BRWD3: variants seen among roughly 807,000 people sequenced by gnomAD.
BRWD3 encodes bromodomain and WD repeat-containing protein 3.
Under a neutral mutation model 149.7 loss-of-function variants are expected in BRWD3, and 10 were observed. That is an observed-to-expected ratio of 0.07 (90% CI 0.04 to 0.11). BRWD3 has a LOEUF of 0.11. Among genes scored for constraint, BRWD3 ranks in the 10% least tolerant of loss-of-function variants. The pLI, the probability that BRWD3 is intolerant of heterozygous loss-of-function variation, is 1.00. For synonymous variants in BRWD3, 504 were observed against 456.7 expected (o/e 1.10, Z -1.32); for missense variants, 940 against 1,373.2 (o/e 0.68, Z 4.99).
At chrX:80,723,023 T>C (rs1011720420) in intron 16 of BRWD3, among the ~76,000 whole-genome samples, 3 of 111,628 alleles carry the variant, frequency 2.7e-5, no homozygotes, top group African/African-American at 9.8e-5. Flanking sequence ...TCATATTTCT[T>C]CTATTATGAT....
chrX:80,692,001 A>T (rs1602310681), intron 29 of BRWD3, 23 bp from the exon 30 acceptor site: 2 of 1,176,402 alleles, frequency 1.7e-6, no homozygotes, highest in East Asian at 6.4e-5. Flanking sequence ...TAAAAAAAAA[A>T]AAATTAGAAA....
At chrX:80,747,129 G>C (rs960073232) in intron 6 of BRWD3, among the ~76,000 whole-genome samples, 15 of 110,123 alleles carry the variant, frequency 1.4e-4, no homozygotes, top group African/African-American at 4.9e-4. Context: ...TGGGACTTCA[G>C]AAATCTTCCT....
intron 20 of BRWD3, among the ~76,000 whole-genome samples, chrX:80,714,579 A>T (rs2073048781): frequency 9.0e-6 from 1 of 111,484 alleles, no homozygotes; most frequent in Non-Finnish European, 1.9e-5. Context: ...ACATCTATTG[A>T]TTGATGTCTT....
chrX:80,805,906 G>A (rs1172045551), intron 4 of BRWD3, among the ~76,000 whole-genome samples: 1 of 111,630 alleles, frequency 9.0e-6, no homozygotes, highest in Non-Finnish European at 1.9e-5. Flanking sequence ...CTGCACTCCA[G>A]CCTGGCAATA....
chrX:80,758,726 G>C (rs1265117172), intron 6 of BRWD3, among the ~76,000 whole-genome samples: 1 of 110,931 alleles, frequency 9.0e-6, no homozygotes, highest in Non-Finnish European at 1.9e-5. Flanking sequence ...GATGTGCTAT[G>C]ATCTGTGTGG....
chrX:80,704,630 CA>C (rs748579945), intron 23 of BRWD3, 47 bp downstream of exon 23: 1 of 1,136,158 alleles, frequency 8.8e-7, no homozygotes, highest in South Asian at 1.9e-5. Flanking sequence ...TTATCAAAGG[CA>C]AAAAACAAAA....
intron 6 of BRWD3, among the ~76,000 whole-genome samples, chrX:80,763,325 C>T (rs2073822528): frequency 9.0e-6 from 1 of 111,380 alleles, no homozygotes; most frequent in Non-Finnish European, 1.9e-5. Flanking sequence ...TTTATAGCAG[C>T]TTTTCTTAAA....
chrX:80,711,461 C>G (rs941831663), intron 20 of BRWD3, among the ~76,000 whole-genome samples: 3 of 112,261 alleles, frequency 2.7e-5, no homozygotes, highest in Admixed American at 9.4e-5. Flanking sequence ...AAATATGTTT[C>G]TGTCATATCT....
intron 16 of BRWD3, among the ~76,000 whole-genome samples, chrX:80,723,520 T>A (rs746989179): frequency 9.1e-6 from 1 of 110,343 alleles, no homozygotes; most frequent in East Asian, 2.9e-4. Context: ...CTAAGGAATG[T>A]TTATATCTTC....
chrX:80,788,426 C>T (rs1226866879), intron 6 of BRWD3, among the ~76,000 whole-genome samples: 1 of 111,709 alleles, frequency 9.0e-6, no homozygotes, highest in African/African-American at 3.3e-5. Context: ...GTGAATACTT[C>T]ACTAAAGATC....
intron 6 of BRWD3, among the ~76,000 whole-genome samples, chrX:80,753,420 C>T (rs975993097): frequency 9.1e-6 from 1 of 110,007 alleles, no homozygotes; most frequent in African/African-American, 3.3e-5. Flanking sequence ...CAGGCGGCTG[C>T]CACCACGTCT....
At chrX:80,779,502 C>T (rs751227669) in intron 6 of BRWD3, among the ~76,000 whole-genome samples, 3 of 109,823 alleles carry the variant, frequency 2.7e-5, no homozygotes, top group Admixed American at 2.0e-4. Context: ...CAAAGCAGAT[C>T]GCTTGAGGTC....
intron 24 of BRWD3, among the ~76,000 whole-genome samples, chrX:80,700,804 CAATT>C (rs892946407): frequency 5.5e-5 from 6 of 110,001 alleles, no homozygotes; most frequent in Non-Finnish European, 1.1e-4. Context: ...CATATAACAA[CAATT>C]AATATAGCAT....
chrX:80,743,801 C>T (rs1303460340), intron 8 of BRWD3: 2 of 361,364 alleles, frequency 5.5e-6, no homozygotes. Flanking sequence ...TAAGATATCT[C>T]ACTCTATTTA....
chrX:80,751,125 C>T (rs1364294581), intron 6 of BRWD3, among the ~76,000 whole-genome samples: 1 of 111,033 alleles, frequency 9.0e-6, no homozygotes, highest in Non-Finnish European at 1.9e-5. Context: ...AGGGGAGATG[C>T]TGATCAAAGG....
rs745755977 is a variant in BRWD3, at chrX:80,707,253, C to T, written c.2552+174G>A. ...GAAGAAACTAAAAGGCCCACAGTGA[C>T]GTCAGAAAGGTATTGGGAGAGCCAG... On this transcript the variant is annotated intron_variant, in intron 22 of 40. Transcript: ENST00000373275. Among the ~76,000 whole-genome samples the T allele has an allele frequency of 7.1e-5, 8 of 113,122 alleles. No homozygotes were observed. The South Asian group carries it at 2.9e-3, about 41-fold the overall frequency.
intron 17 of BRWD3, 21 bp downstream of exon 17, chrX:80,722,541 T>G (rs776992097): frequency 1.7e-6 from 2 of 1,192,659 alleles, no homozygotes; most frequent in East Asian, 3.0e-5. Context: ...TGTTTTAAAT[T>G]TACTTTTAGA....
chrX:80,725,765 A>G (rs991053765), intron 14 of BRWD3, among the ~76,000 whole-genome samples: 12 of 108,306 alleles, frequency 1.1e-4, no homozygotes, highest in Non-Finnish European at 2.1e-4. Flanking sequence ...TAACATGTTT[A>G]CATGTGTTAC....
At chrX:80,751,884 C>T (rs1050060538) in intron 6 of BRWD3, among the ~76,000 whole-genome samples, 1 of 110,322 alleles carries the variant, frequency 9.1e-6, no homozygotes, top group African/African-American at 3.3e-5. Flanking sequence ...ATCCGTATTG[C>T]TGCAAATAAC....
Sources: allele counts gnomAD v4.1 joint callset (sites outside exome capture counted in the v4.1 genomes callset), GRCh38; gene constraint gnomAD v4.1.1; transcripts MANE v1.5; gene names NCBI Gene and HGNC (gene_info 2026-07-23, HGNC 2026-07-21).